Variants in GPC5 observed in about 807,000 individuals in gnomAD.
GPC5 encodes the protein glypican 5.
In GPC5, 47 loss-of-function variants were observed where a neutral mutation model predicts 53.9. The observed-to-expected ratio is 0.87, with a 90% CI of 0.69 to 1.11. The LOEUF (loss-of-function observed/expected upper bound fraction) is 1.11. GPC5 is among the 50% of genes most tolerant of loss of function. GPC5 has a pLI of 0.00. For missense variants in GPC5, 748 were observed against 713.1 expected, an observed-to-expected ratio of 1.05 and a Z score of -0.56; for synonymous variants, 286 against 263.3, an observed-to-expected ratio of 1.09 and a Z score of -0.84.
At chr13:91,855,859 T>C (rs967408118) in intron 5 of GPC5, among the ~76,000 whole-genome samples, 1 of 151,518 alleles carries the variant, frequency 6.6e-6, no homozygotes, top group South Asian at 2.1e-4. Flanking sequence ...ATGCATAGAT[T>C]GTAGATATAT....
chr13:91,625,179 AAG>A (rs2033966277), intron 2 of GPC5, among the ~76,000 whole-genome samples: 2 of 151,786 alleles, frequency 1.3e-5, no homozygotes, highest in African/African-American at 2.4e-5. Context: ...ACATAGGCCA[AAG>A]AGATTGATGA....
chr13:92,560,643 TG>T (rs1882662520), intron 7 of GPC5, among the ~76,000 whole-genome samples: 1 of 151,946 alleles, frequency 6.6e-6, no homozygotes, highest in Non-Finnish European at 1.5e-5. Context: ...AGGCAAAAGG[TG>T]GAAAGGTCCC....
intron 5 of GPC5, among the ~76,000 whole-genome samples, chr13:91,765,199 A>G (rs2037499186): frequency 6.6e-6 from 1 of 152,228 alleles, no homozygotes; most frequent in South Asian, 2.1e-4. Flanking sequence ...CAGCCCTTTT[A>G]GTCCTTCCAG....
intron 7 of GPC5, among the ~76,000 whole-genome samples, chr13:92,378,287 A>T (rs1230284245): frequency 6.6e-6 from 1 of 152,178 alleles, no homozygotes; most frequent in Non-Finnish European, 1.5e-5. Flanking sequence ...AGAACCAACT[A>T]AAACATATTA....
At chr13:92,381,055 G>A (rs1227905486) in intron 7 of GPC5, among the ~76,000 whole-genome samples, 1 of 152,144 alleles carries the variant, frequency 6.6e-6, no homozygotes, top group Non-Finnish European at 1.5e-5. Flanking sequence ...ATAGTAAGCT[G>A]TGTAAGTCCA....
intron 6 of GPC5, among the ~76,000 whole-genome samples, chr13:92,064,485 C>T (rs535037434): frequency 6.6e-6 from 1 of 152,194 alleles, no homozygotes; most frequent in South Asian, 2.1e-4. Flanking sequence ...CGGCCTGGCG[C>T]GGTGGCTCAC....
intron 7 of GPC5, among the ~76,000 whole-genome samples, chr13:92,244,399 A>C (rs913402466): frequency 2.0e-5 from 3 of 152,194 alleles, no homozygotes; most frequent in African/African-American, 7.2e-5. Flanking sequence ...GTATTACCTA[A>C]GTTTCAGCAA....
At chr13:92,234,783 G>A (rs546391577) in intron 7 of GPC5, among the ~76,000 whole-genome samples, 10 of 152,052 alleles carry the variant, frequency 6.6e-5, no homozygotes, top group Non-Finnish European at 1.3e-4. Context: ...TTACGGCCTG[G>A]TGCAGGTGGA....
chr13:92,167,675 A>C (rs1486936912), intron 7 of GPC5, among the ~76,000 whole-genome samples: 1 of 152,196 alleles, frequency 6.6e-6, no homozygotes, highest in Non-Finnish European at 1.5e-5. Flanking sequence ...AGCTTTCAGC[A>C]TGTTAAAGAC....
intron 7 of GPC5, among the ~76,000 whole-genome samples, chr13:92,297,432 C>G (rs1295395775): frequency 1.5e-5 from 2 of 136,380 alleles, no homozygotes; most frequent in Non-Finnish European, 3.1e-5. Flanking sequence ...ACGTGGAGAA[C>G]CTTTATGTCT....
intron 2 of GPC5, among the ~76,000 whole-genome samples, chr13:91,583,791 T>TA (rs543565527): frequency 1.3e-5 from 2 of 152,074 alleles, no homozygotes; most frequent in East Asian, 1.9e-4. Flanking sequence ...AAAGTGCAGA[T>TA]AAAAAAATAG....
intron 7 of GPC5, among the ~76,000 whole-genome samples, chr13:92,790,072 T>C (rs1335758927): frequency 3.3e-5 from 5 of 152,128 alleles, no homozygotes; most frequent in Admixed American, 3.3e-4. Context: ...AGTCAAGTTC[T>C]CCCAAGTTCT....
intron 7 of GPC5, among the ~76,000 whole-genome samples, chr13:92,476,101 C>T (rs1175318727): frequency 1.3e-5 from 2 of 152,102 alleles, no homozygotes; most frequent in South Asian, 2.1e-4. Context: ...TCAGAGTGAA[C>T]AGGCAACCTA....
Position 92,219,191 on chromosome 13 carries a change from A to C in GPC5, c.1561+74202A>C, listed in dbSNP as rs547607941. ...TTTTGGGAATAGCTTATCCCTACCC[A>C]CTGTGTCACTTACTAGATCAGAGGC... On this transcript the variant is annotated intron_variant, in intron 7 of 7. Transcript: ENST00000377067. Among the ~76,000 whole-genome samples, 4 of 152,114 alleles carry C rather than the reference A, an allele frequency of 2.6e-5. No individual in the cohort carries two copies. The East Asian group carries it at 7.7e-4, about 29-fold the overall frequency.
At position 91,647,091 on chromosome 13, in the gene GPC5, G is replaced by A. The variant is rs1016234231; in HGVS notation, c.326-46096G>A. On this transcript the variant is annotated intron_variant, in intron 2 of 7. Coordinates refer to ENST00000377067, the MANE Select transcript of GPC5 (RefSeq NM_004466.6). ...TATGCGTGTGTGTGTGTGTGTGTGT[G>A]TGTGTGTGTGTGTGTGTGTGTGAAA... is the stretch of plus-strand genomic sequence containing the variant. Among the ~76,000 whole-genome samples the A allele has an allele frequency of 7.4e-5, 8 of 107,812 alleles. No individual in the cohort carries two copies. In the South Asian group the frequency reaches 2.3e-3, roughly 31 times the overall value. The allele number at this position is 107,812 out of a possible 152,430, so 70.7% of individuals were successfully genotyped here.
At chr13:92,652,238 C>G (rs1169073356) in intron 7 of GPC5, among the ~76,000 whole-genome samples, 1 of 152,058 alleles carries the variant, frequency 6.6e-6, no homozygotes, top group Non-Finnish European at 1.5e-5. Context: ...CTTCTTTTTG[C>G]TACCAAGCTT....
At chr13:92,808,145 TAAAC>T (rs1284757848) in intron 7 of GPC5, among the ~76,000 whole-genome samples, 3 of 151,982 alleles carry the variant, frequency 2.0e-5, no homozygotes, top group Admixed American at 6.6e-5. Context: ...AAAGGAAAAA[TAAAC>T]AAAACATTTC....
chr13:91,668,309 C>T (rs181403180), intron 2 of GPC5, among the ~76,000 whole-genome samples: 27 of 152,270 alleles, frequency 1.8e-4, no homozygotes, highest in African/African-American at 5.8e-4. Flanking sequence ...TGTGCACATG[C>T]GTGTTTCTGT....
In GPC5 at chr13:92,669,301, T is replaced by C. The variant is rs78740817; in HGVS notation, c.1562-196981T>C. On this transcript the variant is annotated intron_variant, in intron 7 of 7. Coordinates refer to ENST00000377067, the MANE Select transcript of GPC5 (RefSeq NM_004466.6). ...CTCCATTTTTTTATTTCACCATGAC[T>C]ATGCATCTCATTTACATTTTATTTC... Among the ~76,000 whole-genome samples, 33 of 152,272 alleles carry C rather than the reference T, an allele frequency of 2.2e-4. No homozygotes were observed. In the East Asian group the frequency reaches 6.0e-3, roughly 28 times the overall value.
Sources: allele counts gnomAD v4.1 joint callset (sites outside exome capture counted in the v4.1 genomes callset), GRCh38; gene constraint gnomAD v4.1.1; transcripts MANE v1.5; gene names NCBI Gene and HGNC (gene_info 2026-07-23, HGNC 2026-07-21).